PGAP3: variants seen among roughly 807,000 people sequenced by gnomAD.
PGAP3 encodes the protein post-GPI attachment to proteins phospholipase 3.
PGAP3 carries 31 observed loss-of-function variants against 40.3 expected under a neutral mutation model. That is an observed-to-expected ratio of 0.77 (90% CI 0.58 to 1.04). The LOEUF is 1.04. Ranked by LOEUF, PGAP3 falls within the 50% of genes least tolerant of loss-of-function variation. PGAP3 has a pLI of 0.00. For synonymous variants in PGAP3, 191 were observed against 184.5 expected (o/e 1.04, Z -0.29); for missense variants, 413 against 423.0 (o/e 0.98, Z 0.21).
At chr17:39,687,061 G>T (rs1034340966) in intron 1 of PGAP3, among the ~76,000 whole-genome samples, 1 of 152,064 alleles carries the variant, frequency 6.6e-6, no homozygotes, top group Admixed American at 6.6e-5. Context: ...AGTAAATAAA[G>T]CTCCTGGATG....
At chr17:39,673,014 CA>C in intron 7 of PGAP3, 36 bp downstream of exon 7, 1 of 1,588,010 alleles carries the variant, frequency 6.3e-7, no homozygotes, top group African/African-American at 1.3e-5. Context: ...AGGAAGGGTC[CA>C]AAGAAGGTGA....
At chr17:39,686,720 A>AT (rs1368106881) in intron 1 of PGAP3, among the ~76,000 whole-genome samples, 1 of 151,634 alleles carries the variant, frequency 6.6e-6, no homozygotes, top group Non-Finnish European at 1.5e-5. Context: ...TAATTCTTTT[A>AT]TTTTTTGTAG....
intron 3 of PGAP3, among the ~76,000 whole-genome samples, chr17:39,681,530 C>T (rs192986612): frequency 2.6e-5 from 4 of 151,782 alleles, no homozygotes; most frequent in Admixed American, 6.6e-5. Flanking sequence ...TTTTCTGAGA[C>T]GGAGTTTCAC....
rs766144739 is a variant in PGAP3, at chr17:39,673,208, G to A, written c.742C>T (p.Arg248Trp). ...WWLAWCLWNQRRLPHVRKCVV... is the reference protein window; with the variant it reads ...WWLAWCLWNQWRLPHVRKCVV... ...CACTTGCGCACGTGAGGCAGCCGCCGCTGGTTCCACAGGCACCAGGCCAGC... is the reference window on the plus strand; with the variant it reads ...CACTTGCGCACGTGAGGCAGCCGCCACTGGTTCCACAGGCACCAGGCCAGC... Residue 248 changes from arginine (R) to tryptophan (W), a missense_variant, in exon 7 of 8, where the codon CGG becomes TGG. Transcript: ENST00000300658. 13 of 1,568,780 alleles carry A rather than the reference G, an allele frequency of 8.3e-6. No individual in the cohort carries two copies. In the Admixed American group the frequency reaches 1.1e-4, roughly 14 times the overall value.
At position 39,688,037 on chromosome 17, in the gene PGAP3, G is replaced by A; in HGVS notation, c.-23C>T. On this transcript the variant is annotated 5_prime_UTR_variant, in exon 1 of 8. Coordinates refer to ENST00000300658, the MANE Select transcript of PGAP3 (RefSeq NM_033419.5). ...CATCCTTTCTCCCTGGCTCGCCGCC[G>A]GGGGAGGAGCTTAGGAGTATGAAGC... 1.5e-6 allele frequency: 2 copies of A among 1,370,862 alleles called. No individual in the cohort carries two copies. The highest frequency in any genetic ancestry group is 1.6e-5 in the South Asian group (1 of 61,862). 84.9% of individuals were successfully genotyped at this position (1,370,862 alleles called of 1,614,324 possible).
chr17:39,680,627 C>A (rs1394243750), intron 3 of PGAP3, among the ~76,000 whole-genome samples: 1 of 152,176 alleles, frequency 6.6e-6, no homozygotes, highest in African/African-American at 2.4e-5. Context: ...CAATTCAGGA[C>A]AGCAGAAGCC....
In PGAP3 at chr17:39,672,649, A is replaced by T; in HGVS notation, c.*154T>A. 1 of 786,266 alleles carries T rather than the reference A, an allele frequency of 1.3e-6. No individual in the cohort carries two copies. Among genetic ancestry groups the T allele is most frequent in the Non-Finnish European group, 2.1e-6 (1 of 481,792 alleles). 48.7% of individuals were successfully genotyped at this position (786,266 alleles called of 1,614,324 possible). On this transcript the variant is annotated 3_prime_UTR_variant, in exon 8 of 8. Coordinates refer to ENST00000300658, the MANE Select transcript of PGAP3 (RefSeq NM_033419.5). ...GACTCCAAGGCTGGTGAGGGCCAAC[A>T]GGGGGTGGGCTGGCCACATGATTCT...
rs2057329428 is a variant in PGAP3 at position 39,673,152 on chromosome 17, CA to C, written c.797del (p.Leu266ArgfsTer45). The stretch of plus-strand genomic sequence containing the variant: ...GGAAGTCAAGCAGCTCGAGCAGGGA[CA>C]GCCCCTGCAGCAGCAAGACCACCAC... The part of the protein sequence containing the change: ...CVVVVLLLQG[L>X]SLLELLDFPP... On this transcript the variant is annotated frameshift_variant, in exon 7 of 8. Transcript: ENST00000300658. LOFTEE classifies it high-confidence loss of function. The C allele has an allele frequency of 6.3e-7, 1 of 1,597,268 alleles. No individual in the cohort carries two copies. The highest frequency in any genetic ancestry group is 8.5e-7 in the Non-Finnish European group (1 of 1,172,652).
chr17:39,687,868 G>A lies in PGAP3; in HGVS notation c.147C>T (p.Phe49=). The part of the protein sequence containing the change: ...QNCSGGALNH[F]RSRQPIYMSL... ...TCATGTAGATTGGCTGGCGGGAGCG[G>A]AAGTGATTCAGAGCGCCCCCAGAGC... The change falls in exon 1 of 8, where the codon TTC becomes TTT. Residue 49 remains phenylalanine, a synonymous_variant. Transcript: ENST00000300658. 1 of 1,500,188 alleles carries A rather than the reference G, an allele frequency of 6.7e-7. No homozygotes were observed. Among genetic ancestry groups the A allele is most frequent in the Non-Finnish European group, 9.0e-7 (1 of 1,111,220 alleles). The allele number at this position is 1,500,188 out of a possible 1,614,324, so 92.9% of individuals were successfully genotyped here.
At position 39,673,618 on chromosome 17, in the gene PGAP3, C is replaced by A; in HGVS notation, c.590G>T (p.Ser197Ile). ...TVGLQHPAVV[S>I]AFRALLLLML... ...GAGCAGCAGGAGAGCCCGGAAGGCA[C>A]TGACCACAGCTGGGTGCTGCAGCCC... Residue 197 changes from serine to isoleucine, a missense_variant, in exon 6 of 8, where the codon AGT becomes ATT. Ser to Ile is a moderately radical substitution (Grantham distance 142). Coordinates refer to ENST00000300658, the MANE Select transcript of PGAP3 (RefSeq NM_033419.5). 6.2e-7 allele frequency: 1 copy of A among 1,614,126 alleles called. No homozygotes were observed. Among genetic ancestry groups the A allele is most frequent in the Non-Finnish European group, 8.5e-7 (1 of 1,180,020 alleles).
chr17:39,674,412 T>A (rs187840908), intron 4 of PGAP3, among the ~76,000 whole-genome samples: 107 of 152,210 alleles, frequency 7.0e-4, no homozygotes, highest in Admixed American at 4.5e-3. Context: ...CTCAGCTGCC[T>A]CATCAGGCAA....
Position 39,686,029 on chromosome 17 carries a change from AC to A in PGAP3, c.182-11del. The A allele has an allele frequency of 6.2e-7, 1 of 1,609,894 alleles. No individual in the cohort carries two copies. Among genetic ancestry groups the A allele is most frequent in the Non-Finnish European group, 8.5e-7 (1 of 1,177,228 alleles). ...TCCCGACAGGTCCAGCCTGAAACAG[AC>A]AAATGTGGCCTGGTGAACTCCCCAG... On this transcript the variant is annotated splice_polypyrimidine_tract_variant and intron_variant, in intron 1 of 7. Coordinates refer to ENST00000300658, the MANE Select transcript of PGAP3 (RefSeq NM_033419.5).
chr17:39,679,990 C>T (rs1476278), intron 3 of PGAP3, among the ~76,000 whole-genome samples: 83,148 of 151,988 alleles, frequency 0.55, 24,800 homozygotes, highest in South Asian at 0.7. Context: ...CCCCACCTCA[C>T]GACTCCCAGG....
At chr17:39,685,314 TAAAAAA>T (rs34291948) in intron 2 of PGAP3, among the ~76,000 whole-genome samples, 1 of 125,276 alleles carries the variant, frequency 8.0e-6, no homozygotes, top group African/African-American at 2.9e-5. Flanking sequence ...CATCTCTACT[TAAAAAA>T]AAAAAAAAAA....
chr17:39,675,891 G>T (rs573062160), intron 3 of PGAP3, among the ~76,000 whole-genome samples: 1 of 152,344 alleles, frequency 6.6e-6, no homozygotes, highest in Non-Finnish European at 1.5e-5. Context: ...TGCTGCTTCT[G>T]CTCCTCTTGA....
chr17:39,683,721 A>G (rs1039530861), intron 3 of PGAP3, among the ~76,000 whole-genome samples: 1 of 152,180 alleles, frequency 6.6e-6, no homozygotes, highest in Non-Finnish European at 1.5e-5. Context: ...TTATCACACA[A>G]TACCAGGCCC....
intron 2 of PGAP3, 169 bp from the exon 3 acceptor site, chr17:39,684,918 A>C (rs1448992731): frequency 1.3e-6 from 1 of 762,298 alleles, no homozygotes; most frequent in East Asian, 2.8e-5. Context: ...GCCACCCTCC[A>C]GTGCCTAGTT....
At chr17:39,687,442 C>T (rs896057094) in intron 1 of PGAP3, among the ~76,000 whole-genome samples, 2 of 152,150 alleles carry the variant, frequency 1.3e-5, no homozygotes, top group Non-Finnish European at 2.9e-5. Context: ...TCTTCAAAGC[C>T]GGAACTGACA....
chr17:39,687,934 C>G lies in PGAP3; in HGVS notation c.81G>C (p.Pro27=), dbSNP rs780280407. 1 of 1,492,426 alleles carries G rather than the reference C, an allele frequency of 6.7e-7. No homozygotes were observed. Among genetic ancestry groups the G allele is most frequent in the Admixed American group, 2.1e-5 (1 of 47,108 alleles). The allele number at this position is 1,492,426 out of a possible 1,614,324, so 92.4% of individuals were successfully genotyped here. A position where few individuals can be genotyped will look rare whatever the true frequency, so the allele number is the denominator to read the frequency against. The change falls in exon 1 of 8, where the codon CCG becomes CCC. Residue 27 remains proline, a synonymous_variant. Transcript: ENST00000300658. ...ACTGCAGTACGCAGTCGCGGTACAC[C>G]GGCTCACGGTCGCCCTGGGAGCCGC... ...LASGSQGDRE[P]VYRDCVLQCE...
Sources: allele counts gnomAD v4.1 joint callset (sites outside exome capture counted in the v4.1 genomes callset), GRCh38; gene constraint gnomAD v4.1.1; transcripts MANE v1.5; gene names NCBI Gene and HGNC (gene_info 2026-07-23, HGNC 2026-07-21).